Variants in USH2A observed in about 807,000 individuals in gnomAD.
USH2A encodes the protein usherin, also known as Usher syndrome 2A (autosomal recessive, mild).
Under a neutral mutation model 538.9 loss-of-function variants are expected in USH2A, and 443 were observed. The observed-to-expected ratio is 0.82, with a 90% confidence interval of 0.76 to 0.89. The LOEUF (loss-of-function observed/expected upper bound fraction) is 0.89, where lower values mean the gene tolerates loss of function less well. USH2A is among the 40% of genes least tolerant of loss of function. The pLI is 0.00. For synonymous variants in USH2A, 2,413 were observed against 2,273.5 expected (o/e 1.06, Z -1.75); for missense variants, 6,633 against 6,324.8 (o/e 1.05, Z -1.65).
At position 216,324,848 on chromosome 1, in the gene USH2A, G is replaced by C. The variant is rs192237395; in HGVS notation, c.1143+457C>G. On this transcript the variant is annotated intron_variant, in intron 6 of 71. Coordinates refer to ENST00000307340, the MANE Select transcript of USH2A (RefSeq NM_206933.4). ...CTAGTTCAGTTTTCACCTTGTAGTGGGTTGAATTGTGTTCCCAAATAGATA... is the reference window on the plus strand; with the variant it reads ...CTAGTTCAGTTTTCACCTTGTAGTGCGTTGAATTGTGTTCCCAAATAGATA... Among the ~76,000 whole-genome samples, 147 of 152,184 alleles carry C rather than the reference G, an allele frequency of 9.7e-4. 1 individual carries two copies. The highest frequency in any genetic ancestry group is 3.4e-3 in the African/African-American group (141 of 41,532).
At chr1:216,118,538 T>A (rs935992172) in intron 21 of USH2A, among the ~76,000 whole-genome samples, 1 of 152,174 alleles carries the variant, frequency 6.6e-6, no homozygotes, top group Non-Finnish European at 1.5e-5. Context: ...AAATCCTTAC[T>A]CTATTCAAGA....
chr1:216,031,925 G>A (rs1456167575), intron 32 of USH2A, among the ~76,000 whole-genome samples: 3 of 152,262 alleles, frequency 2.0e-5, no homozygotes, highest in East Asian at 1.9e-4. Flanking sequence ...CGACTCTAAA[G>A]CCTGTGAACA....
intron 11 of USH2A, among the ~76,000 whole-genome samples, chr1:216,276,549 CT>C (rs2036673846): frequency 6.6e-6 from 1 of 152,068 alleles, no homozygotes; most frequent in Admixed American, 6.6e-5. Flanking sequence ...ATGAAGGAGG[CT>C]GATTATATTC....
At chr1:216,180,134 T>C (rs1335159959) in intron 20 of USH2A, among the ~76,000 whole-genome samples, 1 of 152,218 alleles carries the variant, frequency 6.6e-6, no homozygotes, top group Non-Finnish European at 1.5e-5. Flanking sequence ...GAACAAATCT[T>C]TCAAATTATG....
chr1:216,305,986 C>T (rs1448115528), intron 9 of USH2A, among the ~76,000 whole-genome samples: 2 of 152,126 alleles, frequency 1.3e-5, no homozygotes, highest in Non-Finnish European at 2.9e-5. Flanking sequence ...TGACTATGTG[C>T]CTTGGCAATG....
At chr1:216,283,182 G>T (rs1354845886) in intron 11 of USH2A, among the ~76,000 whole-genome samples, 2 of 152,030 alleles carry the variant, frequency 1.3e-5, no homozygotes, top group African/African-American at 4.8e-5. Context: ...CACCTCCCAG[G>T]TTCACACCAT....
At chr1:216,236,272 C>T (rs2035814314) in intron 13 of USH2A, among the ~76,000 whole-genome samples, 1 of 151,870 alleles carries the variant, frequency 6.6e-6, no homozygotes, top group Non-Finnish European at 1.5e-5. Context: ...TTTTAAAAGT[C>T]AGTTCAGAAA....
intron 44 of USH2A, among the ~76,000 whole-genome samples, chr1:215,857,980 T>A (rs922941815): frequency 6.6e-6 from 1 of 152,134 alleles, no homozygotes; most frequent in African/African-American, 2.4e-5. Context: ...TCCACTCAGA[T>A]GGTTGTTGGA....
At chr1:215,967,629 G>C (rs1441711848) in intron 36 of USH2A, among the ~76,000 whole-genome samples, 1 of 152,114 alleles carries the variant, frequency 6.6e-6, no homozygotes, top group Non-Finnish European at 1.5e-5. Flanking sequence ...AGGGGGTATA[G>C]GGATTTAAGG....
At chr1:215,812,666 C>T (rs1662729490) in intron 49 of USH2A, among the ~76,000 whole-genome samples, 1 of 152,146 alleles carries the variant, frequency 6.6e-6, no homozygotes, top group Non-Finnish European at 1.5e-5. Context: ...ATATCCATTT[C>T]CTGCTCTTTA....
At chr1:216,165,239 C>G (rs1416435568) in intron 21 of USH2A, among the ~76,000 whole-genome samples, 1 of 152,080 alleles carries the variant, frequency 6.6e-6, no homozygotes, top group Non-Finnish European at 1.5e-5. Context: ...GCAATAAGCC[C>G]TAATGATATG....
chr1:216,047,225 A>C lies in USH2A; in HGVS notation c.6164-633T>G, dbSNP rs114380264. Among the ~76,000 whole-genome samples, 491 of 151,292 alleles carry C rather than the reference A, an allele frequency of 3.2e-3. 3 individuals carry two copies. Among genetic ancestry groups the C allele is most frequent in the African/African-American group, 0.012 (472 of 40,822 alleles). ...GAAGTTTGGGAATGTCTTTAAAAAT[A>C]AAAAAGGAAATATAAACAAGAGCAG... On this transcript the variant is annotated intron_variant, in intron 31 of 71. Coordinates refer to ENST00000307340, the MANE Select transcript of USH2A (RefSeq NM_206933.4).
chr1:216,030,339 T>C (rs566201601), intron 32 of USH2A, among the ~76,000 whole-genome samples: 1 of 136,152 alleles, frequency 7.3e-6, no homozygotes, highest in South Asian at 2.3e-4. Context: ...ATATATGATA[T>C]ATAGATATAC....
At position 215,934,756 on chromosome 1, in the gene USH2A, A is replaced by G. The variant is rs115015305; in HGVS notation, c.7160T>C (p.Met2387Thr). 1,179 of 1,612,662 alleles carry G rather than the reference A, an allele frequency of 7.3e-4. 6 individuals carry two copies. The African/African-American group carries it at 0.014, about 20-fold the overall frequency. The change falls in exon 38 of 72, where the codon ATG (methionine) becomes ACG (threonine). Residue 2387 changes from methionine (M) to threonine (T), a missense_variant. Met to Thr is a moderately conservative substitution (Grantham distance 81, BLOSUM62 -1). Coordinates refer to ENST00000307340, the MANE Select transcript of USH2A (RefSeq NM_206933.4). ...AAGGTTTGTCTCTTCTCCGCTGTAC[A>G]TGACTTTTGTGACATTCAGAAGGGT... ...NYTLLNVTKV[M>T]YSGEETNLWV...
At chr1:215,922,577 G>T (rs1371854959) in intron 38 of USH2A, among the ~76,000 whole-genome samples, 1 of 152,024 alleles carries the variant, frequency 6.6e-6, no homozygotes, top group Admixed American at 6.6e-5. Context: ...TTTAAAGATG[G>T]TCTAGCTCAG....
chr1:216,093,105 C>T (rs2032344632), intron 22 of USH2A, among the ~76,000 whole-genome samples: 1 of 152,108 alleles, frequency 6.6e-6, no homozygotes, highest in African/African-American at 2.4e-5. Context: ...GCGGGGATTA[C>T]AGGCACCTGC....
chr1:216,252,091 T>C (rs1216205995), intron 11 of USH2A, among the ~76,000 whole-genome samples: 1 of 152,250 alleles, frequency 6.6e-6, no homozygotes, highest in Non-Finnish European at 1.5e-5. Context: ...AAACACTGTG[T>C]CATTTTATTC....
chr1:216,345,768 G>T (rs779396457), intron 4 of USH2A, among the ~76,000 whole-genome samples: 1 of 152,114 alleles, frequency 6.6e-6, no homozygotes, highest in African/African-American at 2.4e-5. Context: ...CAGCAAACTG[G>T]CTAGTTATGT....
rs562185008 is a variant in USH2A at position 215,947,483 on chromosome 1, C to A, written c.7121-12688G>T. Among the ~76,000 whole-genome samples, 8 of 152,268 alleles carry A rather than the reference C, an allele frequency of 5.3e-5. No individual in the cohort carries two copies. The South Asian group carries it at 1.7e-3, about 32-fold the overall frequency. On this transcript the variant is annotated intron_variant, in intron 37 of 71. Coordinates refer to ENST00000307340, the MANE Select transcript of USH2A (RefSeq NM_206933.4). ...GTGCTAAAGGGACAATTAGAATGCA[C>A]ATTTAAAATCCAGGTTCATTTTCAT...
Sources: gnomAD v4.1 joint callset for allele counts (sites outside exome capture counted in the v4.1 genomes callset) on GRCh38, gnomAD v4.1.1 for gene constraint, MANE v1.5 for transcripts, NCBI Gene and HGNC (gene_info 2026-07-23, HGNC 2026-07-21) for gene names.